Variants in RPS6KA6 observed in about 807,000 individuals in gnomAD.
The protein encoded by RPS6KA6 is ribosomal protein S6 kinase A6.
In RPS6KA6, 27 loss-of-function variants were observed where a neutral mutation model predicts 65.4. The observed-to-expected ratio is 0.41, with a 90% CI of 0.30 to 0.57. The LOEUF (loss-of-function observed/expected upper bound fraction) is 0.57, where lower values mean the gene tolerates loss of function less well. RPS6KA6 is among the 20% of genes least tolerant of loss of function. The pLI, the probability that RPS6KA6 is intolerant of heterozygous loss-of-function variation, is 0.24. For missense variants in RPS6KA6, 486 were observed against 555.6 expected (o/e 0.87, Z 1.26); for synonymous variants, 190 against 184.2 (o/e 1.03, Z -0.26).
chrX:84,111,787 C>T (rs764589353), intron 12 of RPS6KA6, among the ~76,000 whole-genome samples: 1 of 109,256 alleles, frequency 9.2e-6, no homozygotes, highest in Admixed American at 9.9e-5. Context: ...AATTGAGAAT[C>T]CAAGGCAACT....
intron 1 of RPS6KA6, among the ~76,000 whole-genome samples, chrX:84,173,798 T>C (rs1440777261): frequency 8.9e-6 from 1 of 111,888 alleles, no homozygotes; most frequent in East Asian, 2.8e-4. Flanking sequence ...AGCACAGGGA[T>C]TACAGTCATG....
intron 2 of RPS6KA6, among the ~76,000 whole-genome samples, chrX:84,158,508 C>T (rs1181375804): frequency 9.0e-6 from 1 of 110,550 alleles, no homozygotes; most frequent in Admixed American, 9.7e-5. Flanking sequence ...ATTGTGTCAG[C>T]TTTGAATATA....
intron 1 of RPS6KA6, among the ~76,000 whole-genome samples, chrX:84,180,188 A>G (rs747402423): frequency 1.8e-5 from 2 of 111,622 alleles, no homozygotes; most frequent in East Asian, 5.6e-4. Flanking sequence ...CAAGCTTATG[A>G]TTTTTAGGAT....
In RPS6KA6 at chrX:84,173,337, T is replaced by A. The variant is rs567754473; in HGVS notation, c.82-8950A>T. On this transcript the variant is annotated intron_variant, in intron 1 of 21. Coordinates refer to ENST00000262752, the MANE Select transcript of RPS6KA6 (RefSeq NM_014496.5). The stretch of plus-strand genomic sequence containing the variant: ...GATTCAAACTCTAAAGCTCTACTTT[T>A]ACTGCCTTTGAAAAGTTTATTAAGC... Among the ~76,000 whole-genome samples, 13 of 110,933 alleles carry A rather than the reference T, an allele frequency of 1.2e-4. No individual in the cohort carries two copies. In the South Asian group the frequency reaches 1.5e-3, roughly 13 times the overall value.
intron 16 of RPS6KA6, among the ~76,000 whole-genome samples, chrX:84,104,985 T>C (rs1221421085): frequency 9.0e-6 from 1 of 110,970 alleles, no homozygotes; most frequent in Non-Finnish European, 1.9e-5. Context: ...TTTTACTGTA[T>C]TATAGCTACT....
At chrX:84,078,601 A>C (rs2147351076) in intron 20 of RPS6KA6, among the ~76,000 whole-genome samples, 1 of 112,619 alleles carries the variant, frequency 8.9e-6, no homozygotes, top group Admixed American at 9.4e-5. Flanking sequence ...ATCCAGCAAT[A>C]AAATAGAATT....
At chrX:84,183,927 C>T (rs2035894002) in intron 1 of RPS6KA6, among the ~76,000 whole-genome samples, 1 of 111,156 alleles carries the variant, frequency 9.0e-6, no homozygotes, top group Non-Finnish European at 1.9e-5. Flanking sequence ...TAGGGTGGGA[C>T]TCTGTGGTAT....
chrX:84,064,872 T>C, intron 21 of RPS6KA6, 99 bp downstream of exon 21: 2 of 607,623 alleles, frequency 3.3e-6, no homozygotes, highest in South Asian at 4.6e-5. Context: ...AAAATAAAGA[T>C]ATTTTAAGGA....
At chrX:84,085,114 G>A (rs2033889524) in intron 20 of RPS6KA6, among the ~76,000 whole-genome samples, 1 of 111,434 alleles carries the variant, frequency 9.0e-6, no homozygotes, top group African/African-American at 3.3e-5. Context: ...TGAGACAATG[G>A]GGTTTTCTAG....
chrX:84,104,759 C>A (rs753813860), intron 16 of RPS6KA6, 102 bp from the exon 17 acceptor site: 1 of 516,677 alleles, frequency 1.9e-6, no homozygotes, highest in Non-Finnish European at 2.9e-6. Flanking sequence ...AGACTTCCCT[C>A]TAGTATTAGA....
intron 8 of RPS6KA6, among the ~76,000 whole-genome samples, chrX:84,123,193 C>CA (rs2034712095): frequency 8.9e-6 from 1 of 112,159 alleles, no homozygotes; most frequent in African/African-American, 3.2e-5. Context: ...CCACCAGCAG[C>CA]AATATACCCA....
chrX:84,074,604 G>A (rs2033618272), intron 20 of RPS6KA6, among the ~76,000 whole-genome samples: 1 of 111,909 alleles, frequency 8.9e-6, no homozygotes, highest in African/African-American at 3.3e-5. Flanking sequence ...ATATACACAT[G>A]TATTGAAACA....
In RPS6KA6 at chrX:84,148,128, T is replaced by C. The variant is rs779954142; in HGVS notation, c.259-5A>G. 1.1e-5 allele frequency: 12 copies of C among 1,109,835 alleles called. No individual in the cohort carries two copies. In the African/African-American group the frequency reaches 1.9e-4, roughly 17 times the overall value. 91.5% of individuals were successfully genotyped at this position (1,109,835 alleles called of 1,213,427 possible). On this transcript the variant is annotated splice_region_variant and splice_polypyrimidine_tract_variant and intron_variant, in intron 3 of 21. Coordinates refer to ENST00000262752, the MANE Select transcript of RPS6KA6 (RefSeq NM_014496.5). Reference sequence around the variant, plus strand: ...CTTCTTTCTAACAAGAAAAACCTAATAGAAAATTGAACAAAAAAAAAAAGG... The same window carrying C: ...CTTCTTTCTAACAAGAAAAACCTAACAGAAAATTGAACAAAAAAAAAAAGG...
intron 8 of RPS6KA6, among the ~76,000 whole-genome samples, chrX:84,133,607 T>C (rs2034941669): frequency 9.0e-6 from 1 of 110,929 alleles, no homozygotes; most frequent in Admixed American, 9.6e-5. Flanking sequence ...GAGAGAAAAA[T>C]AGGTTTTTTT....
intron 12 of RPS6KA6, among the ~76,000 whole-genome samples, chrX:84,110,147 C>A (rs766897771): frequency 2.7e-5 from 3 of 111,807 alleles, no homozygotes; most frequent in Non-Finnish European, 5.6e-5. Context: ...AGCTATACTG[C>A]GGTCTGGAGA....
intron 8 of RPS6KA6, among the ~76,000 whole-genome samples, chrX:84,125,580 T>C (rs1267775402): frequency 9.0e-6 from 1 of 111,107 alleles, no homozygotes; most frequent in Non-Finnish European, 1.9e-5. Context: ...AAAGGCTGGG[T>C]GTGGTGGATC....
At chrX:84,097,669 G>A in intron 19 of RPS6KA6, 103 bp downstream of exon 19, 1 of 490,795 alleles carries the variant, frequency 2.0e-6, no homozygotes, top group Non-Finnish European at 3.4e-6. Flanking sequence ...AAATGTAAAT[G>A]TCATTTTCCT....
chrX:84,096,765 T>C (rs1228603566), intron 19 of RPS6KA6, among the ~76,000 whole-genome samples: 2 of 111,594 alleles, frequency 1.8e-5, no homozygotes, highest in African/African-American at 6.5e-5. Flanking sequence ...ACGGTTATCA[T>C]TACTTTTTAT....
chrX:84,102,071 G>A lies in RPS6KA6; in HGVS notation c.1742C>T (p.Thr581Ile). The change falls in exon 18 of 22, where the codon ACT (threonine) becomes ATT (isoleucine). Residue 581 changes from threonine (T) to isoleucine (I), a missense_variant. Transcript: ENST00000262752. The part of the protein sequence containing the change: ...QLRGENGLLL[T>I]PCYTANFVAP... ...AACAAAGTTTGCAGTGTAGCATGGAGTTAAGAGAAGTCCATTTTCTCCTCG... is the reference window on the plus strand; with the variant it reads ...AACAAAGTTTGCAGTGTAGCATGGAATTAAGAGAAGTCCATTTTCTCCTCG... 8.3e-7 allele frequency: 1 copy of A among 1,200,522 alleles called. No individual in the cohort carries two copies. The highest frequency in any genetic ancestry group is 1.1e-6 in the Non-Finnish European group (1 of 889,328).
Sources: allele counts gnomAD v4.1 joint callset (sites outside exome capture counted in the v4.1 genomes callset), GRCh38; gene constraint gnomAD v4.1.1; transcripts MANE v1.5; gene names NCBI Gene and HGNC (gene_info 2026-07-23, HGNC 2026-07-21).